The following FRY variants were observed in gnomAD, a reference collection of about 807,000 sequenced individuals.
The protein encoded by FRY is protein furry homolog.
In FRY, 128 loss-of-function variants were observed where a neutral mutation model predicts 348.4. The observed-to-expected ratio is 0.37, with a 90% CI of 0.32 to 0.43. The LOEUF (loss-of-function observed/expected upper bound fraction) is 0.43, where lower values mean the gene tolerates loss of function less well. Ranked by LOEUF, FRY falls within the 20% of genes least tolerant of loss-of-function variation. FRY has a pLI of 1.00. For missense variants in FRY, 2,736 were observed against 3,695.2 expected (o/e 0.74, Z 6.73); for synonymous variants, 1,370 against 1,374.7 (o/e 1.00, Z 0.08).
intron 17 of FRY, among the ~76,000 whole-genome samples, chr13:32,161,759 G>A (rs933486337): frequency 3.9e-5 from 6 of 152,192 alleles, no homozygotes; most frequent in Non-Finnish European, 7.3e-5. Context: ...AATGCAGGTC[G>A]TGGATATCCT....
chr13:32,221,540 G>T (rs1265355251), intron 36 of FRY, among the ~76,000 whole-genome samples: 1 of 152,118 alleles, frequency 6.6e-6, no homozygotes, highest in Non-Finnish European at 1.5e-5. Context: ...TTGAGACAGG[G>T]TCTCACCCAT....
chr13:32,228,601 A>C lies in FRY; in HGVS notation c.5352A>C (p.Thr1784=). The C allele has an allele frequency of 6.2e-7, 1 of 1,614,124 alleles. No homozygotes were observed. Among genetic ancestry groups the C allele is most frequent in the Non-Finnish European group, 8.5e-7 (1 of 1,179,984 alleles). The part of the protein sequence containing the change: ...QMTQEVEDVD[T]AAETDEKANK... ...CCCAGGAGGTAGAAGATGTGGACAC[A>C]GCTGCTGAAACAGATGAGAAGGCAA... The change falls in exon 40 of 61, where the codon ACA becomes ACC. Residue 1784 remains threonine (T), a synonymous_variant. Transcript: ENST00000542859.
rs1465773429 is a variant in FRY, at chr13:32,073,900, TGTG to T, written c.71-4932_71-4930del. The stretch of plus-strand genomic sequence containing the variant: ...ATAAAAATGTAGCTGAACTATGAGC[TGTG>T]GAGGTGTTTATATTGGTGCTACAGT... On this transcript the variant is annotated intron_variant, in intron 1 of 60. Coordinates refer to ENST00000542859, the MANE Select transcript of FRY (RefSeq NM_023037.3). 2.0e-5 allele frequency among the ~76,000 whole-genome samples: 3 copies of T among 152,304 alleles called. No individual in the cohort carries two copies. The East Asian group carries it at 5.8e-4, about 29-fold the overall frequency.
In FRY at chr13:32,185,102, G is replaced by C; in HGVS notation, c.3273G>C (p.Arg1091=). 1 of 1,613,982 alleles carries C rather than the reference G, an allele frequency of 6.2e-7. No individual in the cohort carries two copies. Among genetic ancestry groups the C allele is most frequent in the Non-Finnish European group, 8.5e-7 (1 of 1,179,930 alleles). The change falls in exon 26 of 61, where the codon CGG becomes CGC. Residue 1091 remains arginine (R), a synonymous_variant. Transcript: ENST00000542859. ...DKEVEILKDI[R]AHFSAMVANL... ...AAGTTGAAATTCTTAAAGATATCCG[G>C]GCACATTTTAGTGCAATGGTGGCCA...
At chr13:32,286,557 C>A (rs1479495865) in intron 58 of FRY, among the ~76,000 whole-genome samples, 3 of 151,774 alleles carry the variant, frequency 2.0e-5, no homozygotes, top group East Asian at 3.9e-4. Flanking sequence ...ACCATCCTGG[C>A]TAACAAGGTG....
At chr13:32,212,715 G>A (rs531459152) in intron 35 of FRY, among the ~76,000 whole-genome samples, 5 of 152,242 alleles carry the variant, frequency 3.3e-5, no homozygotes, top group East Asian at 3.9e-4. Context: ...TGAAATTTTC[G>A]AATCTGATAG....
intron 55 of FRY, among the ~76,000 whole-genome samples, chr13:32,274,460 C>A (rs1440846352): frequency 6.6e-6 from 1 of 151,896 alleles, no homozygotes; most frequent in Non-Finnish European, 1.5e-5. Flanking sequence ...GTAATCCCAG[C>A]ACTTTGGGAG....
chr13:32,239,619 T>C lies in FRY; in HGVS notation c.6517-92T>C. ...TTACCAAAAAGTGTATCAATCTACT[T>C]TCCAGATGGCCAGAGCTTATAGTAA... On this transcript the variant is annotated intron_variant, in intron 45 of 60. Transcript: ENST00000542859. This position sits in a 1 kb window ranked among gnomAD's most constrained non-coding sequence, Gnocchi z 4.3. 1 of 905,864 alleles carries C rather than the reference T, an allele frequency of 1.1e-6. No individual in the cohort carries two copies. Among genetic ancestry groups the C allele is most frequent in the Non-Finnish European group, 1.8e-6 (1 of 562,276 alleles). 56.1% of individuals were successfully genotyped at this position (905,864 alleles called of 1,614,324 possible). A position where few individuals can be genotyped will look rare whatever the true frequency, so the allele number is the denominator to read the frequency against.
chr13:32,074,115 C>T (rs751572065), intron 1 of FRY, among the ~76,000 whole-genome samples: 3 of 152,026 alleles, frequency 2.0e-5, no homozygotes, highest in Non-Finnish European at 2.9e-5. Context: ...ATTTAATAAA[C>T]GGAAAATGAA....
intron 1 of FRY, among the ~76,000 whole-genome samples, chr13:32,049,824 G>A (rs1171278529): frequency 6.6e-6 from 1 of 152,120 alleles, no homozygotes; most frequent in Non-Finnish European, 1.5e-5. Flanking sequence ...GGTCCAGCCT[G>A]TGTTTCATTT....
intron 2 of FRY, 114 bp from the exon 3 acceptor site, chr13:32,101,849 C>T (rs1877180494): frequency 1.4e-6 from 1 of 697,072 alleles, no homozygotes; most frequent in African/African-American, 1.8e-5. Context: ...TTGGTGCCTC[C>T]TGATTCCATA....
At chr13:32,213,024 T>TA (rs926883644) in intron 35 of FRY, among the ~76,000 whole-genome samples, 4 of 151,836 alleles carry the variant, frequency 2.6e-5, no homozygotes, top group South Asian at 2.1e-4. Flanking sequence ...AAACTCAATT[T>TA]AAAAAAAATG....
chr13:32,248,831 A>T (rs1425301393), intron 48 of FRY, among the ~76,000 whole-genome samples: 1 of 152,224 alleles, frequency 6.6e-6, no homozygotes. Flanking sequence ...GTACAAAAAA[A>T]CATGCAGCTG....
chr13:32,254,432 T>C (rs756822482), intron 51 of FRY, 38 bp downstream of exon 51: 121 of 1,550,764 alleles, frequency 7.8e-5, no homozygotes, highest in Non-Finnish European at 1.3e-5. Flanking sequence ...CCCCGCACCC[T>C]TTTCCTTGAC....
intron 36 of FRY, among the ~76,000 whole-genome samples, chr13:32,219,868 A>T (rs886122535): frequency 6.6e-5 from 10 of 152,198 alleles, no homozygotes; most frequent in African/African-American, 1.4e-4. Flanking sequence ...TAGTCTCCAT[A>T]GCCTATTGAA....
Position 32,228,638 on chromosome 13 carries a change from G to A in FRY, c.5389G>A (p.Glu1797Lys), listed in dbSNP as rs772889149. 6.2e-7 allele frequency: 1 copy of A among 1,614,084 alleles called. No homozygotes were observed. Among genetic ancestry groups the A allele is most frequent in the South Asian group, 1.1e-5 (1 of 91,080 alleles). The change falls in exon 40 of 61, where the codon GAG (glutamate) becomes AAG (lysine). Residue 1797 changes from glutamate (E) to lysine (K), a missense_variant. Glu to Lys is a moderately conservative substitution (Grantham distance 56). Around this residue, in one of 9 missense-constraint regions of FRY, gnomAD observed 794 missense variants for 977.0 expected, o/e 0.81. Coordinates refer to ENST00000542859, the MANE Select transcript of FRY (RefSeq NM_023037.3). The stretch of plus-strand genomic sequence containing the variant: ...AGATGAGAAGGCAAACAAGCTCATT[G>A]AGTTTCTCACGACCAGGTAATAAGG... Reference protein sequence around the residue: ...ETDEKANKLIEFLTTRAFGPL... With the variant: ...ETDEKANKLIKFLTTRAFGPL...
In FRY at chr13:32,286,287, T is replaced by C. The variant is rs75684916; in HGVS notation, c.8470-3346T>C. ...AAGGGGGTTTTATTGGATTAGAAAC[T>C]GTTAGGTCCTTAAATATTTTGAAAA... On this transcript the variant is annotated intron_variant, in intron 58 of 60. Transcript: ENST00000542859. 3.8e-3 allele frequency among the ~76,000 whole-genome samples: 581 copies of C among 152,290 alleles called. 3 individuals carry two copies. Among genetic ancestry groups the C allele is most frequent in the Non-Finnish European group, 6.4e-3 (436 of 68,012 alleles).
intron 1 of FRY, among the ~76,000 whole-genome samples, chr13:32,061,387 C>T (rs948272209): frequency 6.6e-5 from 10 of 152,106 alleles, no homozygotes; most frequent in African/African-American, 1.9e-4. Context: ...TTTTTGTATA[C>T]GAGCCTGTGG....
At chr13:32,056,940 TAAG>T (rs1482722559) in intron 1 of FRY, among the ~76,000 whole-genome samples, 1 of 152,042 alleles carries the variant, frequency 6.6e-6, no homozygotes, top group Non-Finnish European at 1.5e-5. Context: ...ATGAAAAAAA[TAAG>T]AATCATCACC....
Sources: allele counts gnomAD v4.1 joint callset (sites outside exome capture counted in the v4.1 genomes callset), GRCh38; gene constraint gnomAD v4.1.1; regional missense constraint gnomAD v4.1.1; non-coding constraint Gnocchi (gnomAD v3.1); transcripts MANE v1.5; gene names NCBI Gene and HGNC (gene_info 2026-07-23, HGNC 2026-07-21).